Variants in ESPL1 observed in about 807,000 individuals in gnomAD.
ESPL1 encodes the protein extra spindle pole bodies like 1, separase, also known as separin.
ESPL1 carries 50 observed loss-of-function variants against 217.2 expected under a neutral mutation model. The ratio of observed to expected loss-of-function variants is 0.23; its 90% confidence interval spans 0.18 to 0.29. The LOEUF (loss-of-function observed/expected upper bound fraction) is 0.29, where lower values mean the gene tolerates loss of function less well. Among genes scored for constraint, ESPL1 ranks in the 10% least tolerant of loss-of-function variants. The probability of loss-of-function intolerance (pLI) is 1.00; values close to 1 mark genes in which losing one functional copy is unlikely to be tolerated. For synonymous variants in ESPL1, 994 were observed against 1,081.3 expected (o/e 0.92, Z 1.58); for missense variants, 1,834 against 2,603.0 (o/e 0.70, Z 6.43).
Position 53,281,554 on chromosome 12 carries a change from T to C in ESPL1, c.2547T>C (p.Thr849=), listed in dbSNP as rs887497228. 2 of 1,613,614 alleles carry C rather than the reference T, an allele frequency of 1.2e-6. No individual in the cohort carries two copies. Among genetic ancestry groups the C allele is most frequent in the African/African-American group, 2.7e-5 (2 of 74,918 alleles). ...CGAGCCTGAAGCATCTCGATCAGAC[T>C]ACTGACACATACCTGCTCCTTTCCC... The part of the protein sequence containing the change: ...AASSLKHLDQ[T]TDTYLLLSLT... Residue 849 remains threonine (T), a synonymous_variant, in exon 13 of 31, where the codon ACT becomes ACC. Transcript: ENST00000257934.
chr12:53,293,177 A>T lies in ESPL1; in HGVS notation c.6162-96A>T. 1 of 1,144,758 alleles carries T rather than the reference A, an allele frequency of 8.7e-7. No individual in the cohort carries two copies. Among genetic ancestry groups the T allele is most frequent in the Non-Finnish European group, 1.3e-6 (1 of 769,362 alleles). 70.9% of individuals were successfully genotyped at this position (1,144,758 alleles called of 1,614,324 possible). On this transcript the variant is annotated intron_variant, in intron 30 of 30. Transcript: ENST00000257934. The surrounding 1 kb of genome is among the most constrained non-coding windows in gnomAD (Gnocchi z 4.2). Reference sequence around the variant, plus strand: ...GCCAAAGGAGTTTCTCATTGGTTCAATCCTCTCCACTCACCCACCCCCACC... The same window carrying T: ...GCCAAAGGAGTTTCTCATTGGTTCATTCCTCTCCACTCACCCACCCCCACC...
Position 53,269,799 on chromosome 12 carries a change from A to T in ESPL1, c.857A>T (p.Asn286Ile). The change falls in exon 3 of 31, where the codon AAT becomes ATT. Residue 286 changes from asparagine (N) to isoleucine (I), a missense_variant. By Grantham distance (149) the Asn-to-Ile change is moderately radical. Around this residue, in one of 5 missense-constraint regions of ESPL1, gnomAD observed 746 missense variants for 1,077.0 expected, o/e 0.69. Coordinates refer to ENST00000257934, the MANE Select transcript of ESPL1 (RefSeq NM_012291.5). The surrounding 1 kb of genome is among the most constrained non-coding windows in gnomAD (Gnocchi z 6.7). ...EKAHSYLRNTNLAPSLQLCQL... is the reference protein window; with the variant it reads ...EKAHSYLRNTILAPSLQLCQL... The stretch of plus-strand genomic sequence containing the variant: ...GCTCACAGTTACCTAAGGAACACCA[A>T]TCTAGCCCCTAGCCTTCAGCTATGT... 1 of 1,614,156 alleles carries T rather than the reference A, an allele frequency of 6.2e-7. No individual in the cohort carries two copies. Among genetic ancestry groups the T allele is most frequent in the South Asian group, 1.1e-5 (1 of 91,078 alleles).
Position 53,288,346 on chromosome 12 carries a change from GA to G in ESPL1, c.4546+6del, listed in dbSNP as rs1943992336. 1.3e-6 allele frequency: 2 copies of G among 1,588,822 alleles called. No individual in the cohort carries two copies. The highest frequency in any genetic ancestry group is 2.7e-5 in the African/African-American group (2 of 74,490). On this transcript the variant is annotated splice_donor_region_variant and intron_variant, in intron 19 of 30. Transcript: ENST00000257934. ...ACGGGGAAGACTCAGCCTCAGGTAG[GA>G]CAGCAAGGGTGAGGTGGAAGGTGCA...
chr12:53,277,886 C>G lies in ESPL1; in HGVS notation c.2290C>G (p.Pro764Ala), dbSNP rs778591251. 1.2e-6 allele frequency: 2 copies of G among 1,614,192 alleles called. No homozygotes were observed. Among genetic ancestry groups the G allele is most frequent in the South Asian group, 2.2e-5 (2 of 91,082 alleles). Reference protein sequence around the residue: ...WKELLTKGQAPAVRCLQQTAA... With the variant: ...WKELLTKGQAAAVRCLQQTAA... Reference sequence around the variant, plus strand: ...GGAGCTGCTTACAAAGGGGCAGGCCCCAGCTGTACGGTGTCTCCAGCAGAC... The same window carrying G: ...GGAGCTGCTTACAAAGGGGCAGGCCGCAGCTGTACGGTGTCTCCAGCAGAC... Residue 764 changes from proline (P) to alanine (A), a missense_variant, in exon 11 of 31, where the codon CCA (proline) becomes GCA (alanine). Coordinates refer to ENST00000257934, the MANE Select transcript of ESPL1 (RefSeq NM_012291.5).
chr12:53,272,878 C>CAGG, intron 6 of ESPL1, 21 bp downstream of exon 6: 2 of 1,612,378 alleles, frequency 1.2e-6, no homozygotes, highest in South Asian at 2.2e-5. Flanking sequence ...ATGAGAGATG[C>CAGG]AGGAAAGGAG....
rs2120991944 is a variant in ESPL1, at chr12:53,289,607, C to G, written c.5113+13C>G. ...CTGATCCCCAGTGGTATGCGGGCAG[C>G]CTTCTGGCCGGCTCCTCTGTCCTCT... On this transcript the variant is annotated intron_variant, in intron 22 of 30. Coordinates refer to ENST00000257934, the MANE Select transcript of ESPL1 (RefSeq NM_012291.5). 1.2e-6 allele frequency: 2 copies of G among 1,607,590 alleles called. No homozygotes were observed. Among genetic ancestry groups the G allele is most frequent in the Non-Finnish European group, 1.7e-6 (2 of 1,176,634 alleles).
In ESPL1 at chr12:53,286,974, A is replaced by G. The variant is rs1399905469; in HGVS notation, c.4176+62A>G. On this transcript the variant is annotated intron_variant, in intron 18 of 30. Coordinates refer to ENST00000257934, the MANE Select transcript of ESPL1 (RefSeq NM_012291.5). The surrounding 1 kb of genome is among the most constrained non-coding windows in gnomAD (Gnocchi z 5.3). ...TTGGATGGGGTTAGTCCTGGAGGAG[A>G]GTGTTTTATAGAGCAGGTGTCCCTG... The G allele has an allele frequency of 1.3e-6, 2 of 1,485,742 alleles. No homozygotes were observed. The allele number at this position is 1,485,742 out of a possible 1,614,324, so 92.0% of individuals were successfully genotyped here.
chr12:53,272,928 C>T (rs1943700176), intron 6 of ESPL1, 71 bp downstream of exon 6: 10 of 1,546,866 alleles, frequency 6.5e-6, no homozygotes, highest in South Asian at 1.2e-5. Flanking sequence ...GGAAGGGCCT[C>T]ACCAGCACCC....
chr12:53,290,043 C>T (rs1190900257), intron 22 of ESPL1, 42 bp from the exon 23 acceptor site: 5 of 1,596,418 alleles, frequency 3.1e-6, no homozygotes, highest in Non-Finnish European at 3.4e-6. Flanking sequence ...GAAGGGAATT[C>T]CTTTAACAGC....
intron 5 of ESPL1, among the ~76,000 whole-genome samples, chr12:53,271,617 C>T (rs1366729188): frequency 2.0e-5 from 3 of 149,160 alleles, no homozygotes; most frequent in Non-Finnish European, 3.0e-5. Flanking sequence ...GCCAAGATTG[C>T]ACCACTGCAC....
rs1943889522 is a variant in ESPL1, at chr12:53,282,980, G to C, written c.2792-149G>C. On this transcript the variant is annotated intron_variant, in intron 14 of 30. Coordinates refer to ENST00000257934, the MANE Select transcript of ESPL1 (RefSeq NM_012291.5). This position sits in a 1 kb window ranked among gnomAD's most constrained non-coding sequence, Gnocchi z 4.0. ...GCTGAAAGGATTCTGAGACCCCAGGGGATCTCAGAGGGAAGGAGTTATGAG... is the reference window on the plus strand; with the variant it reads ...GCTGAAAGGATTCTGAGACCCCAGGCGATCTCAGAGGGAAGGAGTTATGAG... 2.0e-6 allele frequency: 2 copies of C among 1,011,708 alleles called. No homozygotes were observed. Among genetic ancestry groups the C allele is most frequent in the Non-Finnish European group, 2.9e-6 (2 of 688,860 alleles). 62.7% of individuals were successfully genotyped at this position (1,011,708 alleles called of 1,614,324 possible).
intron 6 of ESPL1, among the ~76,000 whole-genome samples, chr12:53,273,227 C>T (rs555786182): frequency 8.6e-4 from 130 of 151,028 alleles, no homozygotes; most frequent in African/African-American, 3.0e-3. Flanking sequence ...TTTGTAGAGA[C>T]GGGGTTTCAC....
chr12:53,279,259 C>T (rs964411055), intron 11 of ESPL1, among the ~76,000 whole-genome samples: 1 of 152,190 alleles, frequency 6.6e-6, no homozygotes, highest in Non-Finnish European at 1.5e-5. Context: ...CTAGACTCCA[C>T]ATTAGGAAAC....
intron 6 of ESPL1, among the ~76,000 whole-genome samples, chr12:53,273,376 C>T (rs2120889890): frequency 6.6e-6 from 1 of 152,134 alleles, no homozygotes; most frequent in Non-Finnish European, 1.5e-5. Context: ...TGGTCCTAAG[C>T]TACTGGTTTC....
chr12:53,288,889 A>C, intron 20 of ESPL1, 190 bp downstream of exon 20: 2 of 711,050 alleles, frequency 2.8e-6, no homozygotes, highest in Non-Finnish European at 4.7e-6. Context: ...TTCCTTCTGT[A>C]AAAATGGGGT....
Position 53,286,424 on chromosome 12 carries a change from T to C in ESPL1, c.3688T>C (p.Leu1230=), listed in dbSNP as rs770211586. 3.1e-6 allele frequency: 5 copies of C among 1,614,176 alleles called. No individual in the cohort carries two copies. In the Admixed American group the frequency reaches 6.7e-5, roughly 22 times the overall value. Residue 1230 remains leucine, a synonymous_variant, in exon 18 of 31, where the codon TTG becomes CTG. Transcript: ENST00000257934. The surrounding 1 kb of genome is among the most constrained non-coding windows in gnomAD (Gnocchi z 5.3). ...DEILAQAYTL[L]ALEGLNQPSN... ...GATCTTGGCTCAAGCATACACACTG[T>C]TGGCACTGGAGGGCCTGAACCAGCC...
chr12:53,293,577 T>C lies in ESPL1; in HGVS notation c.*103T>C. On this transcript the variant is annotated 3_prime_UTR_variant, in exon 31 of 31. Coordinates refer to ENST00000257934, the MANE Select transcript of ESPL1 (RefSeq NM_012291.5). The surrounding 1 kb of genome is among the most constrained non-coding windows in gnomAD (Gnocchi z 4.2). ...ACTCTTTTAAAGTGATTTTCCCCAG[T>C]GTTTTATATGAAACATTTCCTTTTG... is the stretch of plus-strand genomic sequence containing the variant. 1 of 855,158 alleles carries C rather than the reference T, an allele frequency of 1.2e-6. No individual in the cohort carries two copies. The highest frequency in any genetic ancestry group is 1.9e-6 in the Non-Finnish European group (1 of 534,960). 53.0% of individuals were successfully genotyped at this position (855,158 alleles called of 1,614,324 possible). A position where few individuals can be genotyped will look rare whatever the true frequency, so the allele number is the denominator to read the frequency against.
intron 7 of ESPL1, among the ~76,000 whole-genome samples, chr12:53,275,857 C>T (rs529593199): frequency 2.6e-5 from 4 of 151,840 alleles, no homozygotes; most frequent in Admixed American, 6.6e-5. Flanking sequence ...TGAGCCAGTG[C>T]GCCCAGCCTT....
chr12:53,291,220 T>G (rs1302406516), intron 25 of ESPL1, among the ~76,000 whole-genome samples: 1 of 151,404 alleles, frequency 6.6e-6, no homozygotes, highest in African/African-American at 2.4e-5. Context: ...GAGAATTGCT[T>G]GAACCTGGGA....
Sources: gnomAD v4.1 joint callset for allele counts (sites outside exome capture counted in the v4.1 genomes callset) on GRCh38, gnomAD v4.1.1 for gene constraint, gnomAD v4.1.1 regional missense constraint, Gnocchi (gnomAD v3.1) non-coding constraint, MANE v1.5 for transcripts, NCBI Gene and HGNC (gene_info 2026-07-23, HGNC 2026-07-21) for gene names.